GRID1: variants seen among roughly 807,000 people sequenced by gnomAD.
GRID1 encodes the protein glutamate receptor ionotropic, delta-1.
In GRID1, 28 loss-of-function variants were observed where a neutral mutation model predicts 98.0. That is an observed-to-expected ratio of 0.29 (90% CI 0.21 to 0.39). GRID1 has a LOEUF of 0.39. Among genes scored for constraint, GRID1 ranks in the 10% least tolerant of loss-of-function variants. The pLI is 1.00. For synonymous variants in GRID1, 553 were observed against 538.5 expected (o/e 1.03, Z -0.37); for missense variants, 1,111 against 1,340.5 (o/e 0.83, Z 2.67).
At chr10:85,957,180 C>T (rs747190972) in intron 4 of GRID1, among the ~76,000 whole-genome samples, 14 of 152,278 alleles carry the variant, frequency 9.2e-5, no homozygotes, top group Middle Eastern at 3.4e-3. Flanking sequence ...GATTACAATT[C>T]GGATTACAAT....
intron 4 of GRID1, among the ~76,000 whole-genome samples, chr10:86,135,423 C>T (rs1426326178): frequency 5.3e-5 from 8 of 152,184 alleles, no homozygotes; most frequent in African/African-American, 1.9e-4. Flanking sequence ...CCCCATGGTG[C>T]CCCCAGGCCT....
intron 4 of GRID1, among the ~76,000 whole-genome samples, chr10:86,137,102 A>G (rs1468035532): frequency 6.6e-6 from 1 of 152,156 alleles, no homozygotes; most frequent in African/African-American, 2.4e-5. Flanking sequence ...TGCATAATTA[A>G]CCACTTGGCA....
At chr10:85,614,429 T>C (rs775598140) in intron 14 of GRID1, among the ~76,000 whole-genome samples, 1 of 152,146 alleles carries the variant, frequency 6.6e-6, no homozygotes. Flanking sequence ...GCTTGGCAAA[T>C]AGTGTTGAAT....
At chr10:85,833,931 C>G in intron 8 of GRID1, among the ~76,000 whole-genome samples, 1 of 152,088 alleles carries the variant, frequency 6.6e-6, no homozygotes, top group East Asian at 1.9e-4. Context: ...CCCAATGTGA[C>G]AAACAGAGAG....
At chr10:86,007,457 G>A (rs544719459) in intron 4 of GRID1, among the ~76,000 whole-genome samples, 1 of 152,304 alleles carries the variant, frequency 6.6e-6, no homozygotes, top group East Asian at 1.9e-4. Context: ...CAACTGCTCT[G>A]CAGGAGAATG....
intron 8 of GRID1, among the ~76,000 whole-genome samples, chr10:85,769,685 C>G (rs1347974465): frequency 6.6e-6 from 1 of 152,170 alleles, no homozygotes; most frequent in Non-Finnish European, 1.5e-5. Context: ...CTGCACCTGG[C>G]TCGGAGGGTC....
chr10:86,215,335 A>G (rs1263756343), intron 2 of GRID1, among the ~76,000 whole-genome samples: 1 of 152,240 alleles, frequency 6.6e-6, no homozygotes, highest in East Asian at 1.9e-4. Flanking sequence ...AGGGTGGGGA[A>G]GAGCTGGCAG....
chr10:85,848,223 A>G (rs1843025134), intron 8 of GRID1, among the ~76,000 whole-genome samples: 1 of 152,152 alleles, frequency 6.6e-6, no homozygotes. Flanking sequence ...ATTTGAAAAT[A>G]TGTATCATGT....
rs1386385358 is a variant in GRID1 at position 85,602,213 on chromosome 10, T to A, written c.*60A>T. 1 of 988,692 alleles carries A rather than the reference T, an allele frequency of 1.0e-6. No homozygotes were observed. Among genetic ancestry groups the A allele is most frequent in the Non-Finnish European group, 1.4e-6 (1 of 708,428 alleles). 61.2% of individuals were successfully genotyped at this position (988,692 alleles called of 1,614,324 possible). A position where few individuals can be genotyped will look rare whatever the true frequency, so the allele number is the denominator to read the frequency against. On this transcript the variant is annotated 3_prime_UTR_variant, in exon 16 of 16. Coordinates refer to ENST00000327946, the MANE Select transcript of GRID1 (RefSeq NM_017551.3). Reference sequence around the variant, plus strand: ...TGTGGTTTGTGTTGTTGTTTTCTTGTATTAAAAAGCTCTGCTGGTCGGGTG... The same window carrying A: ...TGTGGTTTGTGTTGTTGTTTTCTTGAATTAAAAAGCTCTGCTGGTCGGGTG...
At chr10:86,096,968 C>G (rs1000550219) in intron 4 of GRID1, among the ~76,000 whole-genome samples, 1 of 152,230 alleles carries the variant, frequency 6.6e-6, no homozygotes, top group Admixed American at 6.5e-5. Flanking sequence ...CCTGTTACTG[C>G]AACTTTATGC....
At chr10:86,034,902 G>GTGGATGGATGGATGGATGGA (rs59211171) in intron 4 of GRID1, among the ~76,000 whole-genome samples, 6 of 143,734 alleles carry the variant, frequency 4.2e-5, no homozygotes, top group Non-Finnish European at 9.1e-5. Context: ...CAATGGATTG[G>GTGGATGGATGGATGGATGGA]TGGATGGATG....
intron 13 of GRID1, among the ~76,000 whole-genome samples, chr10:85,644,710 T>C (rs1300034833): frequency 2.0e-5 from 3 of 152,180 alleles, no homozygotes; most frequent in African/African-American, 4.8e-5. Flanking sequence ...TGCTGGGCCA[T>C]ACAGTATGTA....
chr10:86,319,161 C>T lies in GRID1; in HGVS notation c.235+44780G>A, dbSNP rs138132418. On this transcript the variant is annotated intron_variant, in intron 2 of 15. Coordinates refer to ENST00000327946, the MANE Select transcript of GRID1 (RefSeq NM_017551.3). ...CCACTGTGGCTGAAGGGGAGGCACC[C>T]AGGGAGAAAGGGAGTAGATGAGGCC... 2.5e-3 allele frequency among the ~76,000 whole-genome samples: 382 copies of T among 152,124 alleles called. 2 individuals carry two copies. Among genetic ancestry groups the T allele is most frequent in the African/African-American group, 8.5e-3 (354 of 41,486 alleles).
At chr10:85,882,128 T>C (rs551637528) in intron 5 of GRID1, among the ~76,000 whole-genome samples, 1 of 152,288 alleles carries the variant, frequency 6.6e-6, no homozygotes, top group South Asian at 2.1e-4. Context: ...GAACCACAGG[T>C]GCTGGAGAGG....
At chr10:86,247,972 C>T (rs1257656751) in intron 2 of GRID1, among the ~76,000 whole-genome samples, 2 of 152,184 alleles carry the variant, frequency 1.3e-5, no homozygotes, top group Non-Finnish European at 2.9e-5. Context: ...GTTATGACCA[C>T]CCTGACAACC....
chr10:85,688,622 G>T (rs1188631826), intron 12 of GRID1, among the ~76,000 whole-genome samples: 4 of 152,246 alleles, frequency 2.6e-5, no homozygotes, highest in African/African-American at 9.6e-5. Flanking sequence ...GCATATTTAT[G>T]AGGCATTCTG....
chr10:86,130,018 G>C (rs1490214482), intron 4 of GRID1, among the ~76,000 whole-genome samples: 1 of 152,276 alleles, frequency 6.6e-6, no homozygotes, highest in Non-Finnish European at 1.5e-5. Flanking sequence ...GCCTGGGCTA[G>C]TGTGCTTGTC....
rs376751491 is a variant in GRID1, at chr10:86,276,779, C to T, written c.236-70131G>A. Reference sequence around the variant, plus strand: ...TGCTGGGATTACAGGCGTGAGCCACCGCACCCAGCCATCAATAAGATTCGA... The same window carrying T: ...TGCTGGGATTACAGGCGTGAGCCACTGCACCCAGCCATCAATAAGATTCGA... On this transcript the variant is annotated intron_variant, in intron 2 of 15. Transcript: ENST00000327946. Among the ~76,000 whole-genome samples, 8 of 152,092 alleles carry T rather than the reference C, an allele frequency of 5.3e-5. No individual in the cohort carries two copies. The East Asian group carries it at 5.8e-4, about 11-fold the overall frequency.
At chr10:86,275,416 A>G (rs1847254261) in intron 2 of GRID1, among the ~76,000 whole-genome samples, 1 of 152,130 alleles carries the variant, frequency 6.6e-6, no homozygotes, top group African/African-American at 2.4e-5. Flanking sequence ...AAATTTACAC[A>G]AACCATGCCT....
Sources: allele counts gnomAD v4.1 joint callset (sites outside exome capture counted in the v4.1 genomes callset), GRCh38; gene constraint gnomAD v4.1.1; transcripts MANE v1.5; gene names NCBI Gene and HGNC (gene_info 2026-07-23, HGNC 2026-07-21).